GRIK2: variants seen among roughly 807,000 people sequenced by gnomAD.
The protein encoded by GRIK2 is glutamate receptor ionotropic, kainate 2.
GRIK2 carries 32 observed loss-of-function variants against 100.3 expected under a neutral mutation model. That is an observed-to-expected ratio of 0.32 (90% confidence interval 0.24 to 0.43). GRIK2 has a LOEUF of 0.43. GRIK2 is among the 20% of genes least tolerant of loss of function. The pLI is 1.00. For synonymous variants in GRIK2, 417 were observed against 389.4 expected (o/e 1.07, Z -0.83); for missense variants, 843 against 1,114.9 (o/e 0.76, Z 3.47).
At chr6:102,001,076 G>A (rs1172012427) in intron 14 of GRIK2, among the ~76,000 whole-genome samples, 2 of 151,842 alleles carry the variant, frequency 1.3e-5, no homozygotes, top group South Asian at 4.2e-4. Flanking sequence ...TAAATAGTGA[G>A]TGAGTGAAAG....
chr6:101,983,653 C>A (rs1394305337), intron 14 of GRIK2, among the ~76,000 whole-genome samples: 1 of 151,670 alleles, frequency 6.6e-6, no homozygotes, highest in Non-Finnish European at 1.5e-5. Flanking sequence ...CTTGGTATTC[C>A]TCTTACATTT....
rs112917924 is a variant in GRIK2 at position 101,637,945 on chromosome 6, A to G, written c.541+11308A>G. 5.6e-4 allele frequency among the ~76,000 whole-genome samples: 85 copies of G among 152,196 alleles called. 1 individual carries two copies. Among genetic ancestry groups the G allele is most frequent in the African/African-American group, 1.9e-3 (77 of 41,540 alleles). ...CATCACCTGTAAGATGTACCTTAAA[A>G]TAGAATATCATTTCTAAATATTTAT... On this transcript the variant is annotated intron_variant, in intron 4 of 16. Transcript: ENST00000369134.
chr6:101,909,722 T>C (rs2518187), intron 12 of GRIK2, among the ~76,000 whole-genome samples: 18 of 149,444 alleles, frequency 1.2e-4, no homozygotes, highest in African/African-American at 4.5e-4. Context: ...GTAAGTGTGT[T>C]TCTGTATATC....
chr6:102,053,154 T>A (rs1771291281), intron 15 of GRIK2, among the ~76,000 whole-genome samples: 1 of 151,934 alleles, frequency 6.6e-6, no homozygotes, highest in South Asian at 2.1e-4. Context: ...AACTTTTTGA[T>A]AACCAGGTGT....
intron 10 of GRIK2, among the ~76,000 whole-genome samples, chr6:101,850,728 G>A (rs1225685816): frequency 6.6e-6 from 1 of 152,020 alleles, no homozygotes; most frequent in Non-Finnish European, 1.5e-5. Context: ...TAGTAGAAAT[G>A]CTGACAAATC....
intron 4 of GRIK2, among the ~76,000 whole-genome samples, chr6:101,654,203 A>C (rs1354653270): frequency 6.6e-6 from 1 of 152,118 alleles, no homozygotes; most frequent in Admixed American, 6.6e-5. Context: ...CTTAGAGTTC[A>C]TCTGCTGCTC....
Position 101,592,840 on chromosome 6 carries a change from G to A in GRIK2, c.116-29109G>A, listed in dbSNP as rs538073077. On this transcript the variant is annotated intron_variant, in intron 2 of 16. Coordinates refer to ENST00000369134, the MANE Select transcript of GRIK2 (RefSeq NM_021956.5). ...ATTGAGAGATGAGAAAATGACAACT[G>A]TATAAAGGAAATGAAAATATAAGTA... Among the ~76,000 whole-genome samples the A allele has an allele frequency of 1.1e-3, 162 of 151,492 alleles. 1 individual carries two copies. Among genetic ancestry groups the A allele is most frequent in the African/African-American group, 3.8e-3 (156 of 41,338 alleles).
chr6:101,429,010 A>G (rs2128242268), intron 2 of GRIK2, among the ~76,000 whole-genome samples: 1 of 152,340 alleles, frequency 6.6e-6, no homozygotes, highest in South Asian at 2.1e-4. Flanking sequence ...AATTAACTAC[A>G]ACTTTAAAAT....
intron 2 of GRIK2, among the ~76,000 whole-genome samples, chr6:101,456,856 A>T (rs1367391369): frequency 6.6e-6 from 1 of 152,124 alleles, no homozygotes; most frequent in Non-Finnish European, 1.5e-5. Flanking sequence ...GGCAAGAAAA[A>T]GTATGATTTT....
intron 7 of GRIK2, among the ~76,000 whole-genome samples, chr6:101,780,972 G>A (rs78522094): frequency 6.6e-6 from 1 of 152,134 alleles, no homozygotes; most frequent in Non-Finnish European, 1.5e-5. Flanking sequence ...TAAAATTGCT[G>A]CTTTTTAAAC....
chr6:101,838,979 T>A (rs1437981848), intron 10 of GRIK2, among the ~76,000 whole-genome samples: 1 of 140,656 alleles, frequency 7.1e-6, no homozygotes, highest in Non-Finnish European at 1.5e-5. Flanking sequence ...AAAAATAGTC[T>A]GGAATATGCT....
intron 14 of GRIK2, among the ~76,000 whole-genome samples, chr6:101,973,721 A>G (rs1053903799): frequency 2.0e-5 from 3 of 151,938 alleles, no homozygotes; most frequent in African/African-American, 7.2e-5. Context: ...ATTATAAATA[A>G]ATCATCCAAT....
At chr6:101,929,160 C>T (rs575942051) in intron 14 of GRIK2, among the ~76,000 whole-genome samples, 79 of 152,242 alleles carry the variant, frequency 5.2e-4, no homozygotes, top group East Asian at 3.9e-4. Context: ...CCATTGAACT[C>T]ACAGTGGTTT....
intron 11 of GRIK2, among the ~76,000 whole-genome samples, chr6:101,874,085 A>T (rs957504172): frequency 6.6e-6 from 1 of 152,116 alleles, no homozygotes; most frequent in African/African-American, 2.4e-5. Context: ...TGCTGTGCAG[A>T]AGCTCTTTAG....
At chr6:101,619,952 AT>A (rs912289594) in intron 2 of GRIK2, among the ~76,000 whole-genome samples, 2 of 152,158 alleles carry the variant, frequency 1.3e-5, no homozygotes, top group Admixed American at 1.3e-4. Context: ...GCTATTTTGG[AT>A]GGCTTTGAAG....
intron 2 of GRIK2, among the ~76,000 whole-genome samples, chr6:101,458,321 A>T (rs769140438): frequency 1.3e-5 from 2 of 152,154 alleles, no homozygotes; most frequent in Non-Finnish European, 2.9e-5. Context: ...CCATGAACCA[A>T]TCTCTTTTTG....
intron 7 of GRIK2, among the ~76,000 whole-genome samples, chr6:101,795,802 G>T (rs74988845): frequency 0.052 from 7,957 of 152,220 alleles, 494 homozygotes; most frequent in African/African-American, 0.15. Flanking sequence ...GTGTGGGCCT[G>T]CCCTTAGTGT....
chr6:101,859,365 C>T lies in GRIK2; in HGVS notation c.1396C>T (p.Leu466Phe). The T allele has an allele frequency of 6.2e-7, 1 of 1,601,780 alleles. No homozygotes were observed. Among genetic ancestry groups the T allele is most frequent in the Non-Finnish European group, 8.6e-7 (1 of 1,168,938 alleles). Residue 466 changes from leucine (L) to phenylalanine (F), a missense_variant, in exon 11 of 17, where the codon CTC (leucine) becomes TTC (phenylalanine). Physicochemically the swap from Leu to Phe is conservative, Grantham distance 22. Around this residue, in one of 3 missense-constraint regions of GRIK2, gnomAD observed 519 missense variants for 643.8 expected, o/e 0.81. Transcript: ENST00000369134. ...NDRFEGYCIDLLRELSTILGF... is the reference protein window; with the variant it reads ...NDRFEGYCIDFLRELSTILGF... The stretch of plus-strand genomic sequence containing the variant: ...TCGATTTGAAGGCTATTGCATTGAT[C>T]TCCTCAGAGAGTTATCTACAATCCT...
rs546957157 is a variant in GRIK2, at chr6:101,579,551, C to A, written c.116-42398C>A. On this transcript the variant is annotated intron_variant, in intron 2 of 16. Coordinates refer to ENST00000369134, the MANE Select transcript of GRIK2 (RefSeq NM_021956.5). ...GTCCTCACTTAGTCTATCTTTCTAA[C>A]AGTTTAAAAGATACATTTGGGCCGG... Among the ~76,000 whole-genome samples, 3 of 151,014 alleles carry A rather than the reference C, an allele frequency of 2.0e-5. No homozygotes were observed. In the South Asian group the frequency reaches 6.3e-4, roughly 32 times the overall value.
Sources: gnomAD v4.1 joint callset for allele counts (sites outside exome capture counted in the v4.1 genomes callset) on GRCh38, gnomAD v4.1.1 for gene constraint, gnomAD v4.1.1 regional missense constraint, MANE v1.5 for transcripts, NCBI Gene and HGNC (gene_info 2026-07-23, HGNC 2026-07-21) for gene names.